The following PCDH15 variants were observed in gnomAD, a reference collection of about 807,000 sequenced individuals.
PCDH15 encodes the protein protocadherin-15.
A neutral mutation model predicts 178.5 loss-of-function variants in PCDH15; 129 were observed. The ratio of observed to expected loss-of-function variants is 0.72; its 90% confidence interval spans 0.63 to 0.84. The LOEUF is 0.84. Ranked by LOEUF, PCDH15 falls within the 40% of genes least tolerant of loss-of-function variation. The pLI, the probability that PCDH15 is intolerant of heterozygous loss-of-function variation, is 0.00. For missense variants in PCDH15, 2,230 were observed against 2,099.9 expected (o/e 1.06, Z -1.21); for synonymous variants, 800 against 732.0 (o/e 1.09, Z -1.50).
rs375637844 is a variant in PCDH15 at position 55,294,266 on chromosome 10, G to A, written c.-156+25333C>T. On this transcript the variant is annotated intron_variant, in intron 1 of 5. Coordinates refer to the PCDH15 transcript ENST00000458638. Reference sequence around the variant, plus strand: ...TCCCACTGGCTCCTTCCCACAACACGTGGGAATTCACGATGAGATTTGGGT... The same window carrying A: ...TCCCACTGGCTCCTTCCCACAACACATGGGAATTCACGATGAGATTTGGGT... Among the ~76,000 whole-genome samples, 323 of 152,240 alleles carry A rather than the reference G, an allele frequency of 2.1e-3. 1 individual carries two copies. The highest frequency in any genetic ancestry group is 7.4e-3 in the African/African-American group (309 of 41,554).
rs765069475 is a variant in PCDH15, at chr10:53,831,319, T to C, written c.4198A>G (p.Arg1400Gly). 14 of 1,614,034 alleles carry C rather than the reference T, an allele frequency of 8.7e-6. No individual in the cohort carries two copies. The Admixed American group carries it at 2.3e-4, about 27-fold the overall frequency. The part of the protein sequence containing the change: ...PAILVVLVSY[R>G]QFKVRQAECT... ...TTACCATCCTTGAATACTTACTGTC[T>C]GTAGCTGACCAAAACCACCAAGATG... The change falls in exon 30 of 38, where the codon AGA (arginine) becomes GGA (glycine). Residue 1400 changes from arginine (R) to glycine (G), a missense_variant. Coordinates refer to ENST00000644397, the MANE Select transcript of PCDH15 (RefSeq NM_001384140.1).
chr10:54,857,532 G>A (rs1953761646), intron 3 of PCDH15, among the ~76,000 whole-genome samples: 1 of 151,968 alleles, frequency 6.6e-6, no homozygotes, highest in Non-Finnish European at 1.5e-5. Flanking sequence ...CTGCAACCTC[G>A]AATTCCTGGG....
intron 2 of PCDH15, among the ~76,000 whole-genome samples, chr10:54,546,894 CA>C (rs1335577031): frequency 4.6e-5 from 7 of 152,142 alleles, no homozygotes; most frequent in Admixed American, 3.9e-4. Flanking sequence ...GGTGATATGA[CA>C]GAGAGAATCT....
rs144311785 is a variant in PCDH15 at position 55,221,715 on chromosome 10, T to G, written c.-155-55064A>C. Among the ~76,000 whole-genome samples the G allele has an allele frequency of 1.5e-4, 23 of 152,218 alleles. No individual in the cohort carries two copies. In the East Asian group the frequency reaches 3.7e-3, roughly 24 times the overall value. On this transcript the variant is annotated intron_variant, in intron 1 of 5. Transcript: ENST00000458638. ...GACAAGATACACAGTGACACATGTATGCACGTCCTCCATAGAAGTGTAGTA... is the reference window on the plus strand; with the variant it reads ...GACAAGATACACAGTGACACATGTAGGCACGTCCTCCATAGAAGTGTAGTA...
chr10:54,673,463 A>C (rs563308638), intron 1 of PCDH15, among the ~76,000 whole-genome samples: 1 of 152,110 alleles, frequency 6.6e-6, no homozygotes, highest in South Asian at 2.1e-4. Flanking sequence ...TTTGAGATGG[A>C]GTTTTGCTCT....
chr10:54,751,392 C>A (rs1185616053), intron 1 of PCDH15, among the ~76,000 whole-genome samples: 4 of 152,046 alleles, frequency 2.6e-5, no homozygotes, highest in Non-Finnish European at 5.9e-5. Flanking sequence ...AACAGGTGTG[C>A]TTTTAAATTT....
rs577897529 is a variant in PCDH15, at chr10:54,282,191, T to C, written c.876+35080A>G. Among the ~76,000 whole-genome samples the C allele has an allele frequency of 2.0e-4, 30 of 152,230 alleles. No individual in the cohort carries two copies. In the South Asian group the frequency reaches 6.2e-3, roughly 31 times the overall value. ...TTGGTTTTAACACCACCTGGAAACC[T>C]GCAAAGTCTCAGGTTTCACCCCAGG... On this transcript the variant is annotated intron_variant, in intron 8 of 37. Coordinates refer to ENST00000644397, the MANE Select transcript of PCDH15 (RefSeq NM_001384140.1).
chr10:55,155,756 C>A (rs1266616602), intron 2 of PCDH15, among the ~76,000 whole-genome samples: 2 of 152,000 alleles, frequency 1.3e-5, no homozygotes, highest in African/African-American at 4.8e-5. Context: ...CATCAAGTCC[C>A]TGATGAGTAA....
At chr10:54,543,833 G>T (rs1283179964) in intron 2 of PCDH15, among the ~76,000 whole-genome samples, 2 of 152,060 alleles carry the variant, frequency 1.3e-5, no homozygotes, top group African/African-American at 4.8e-5. Context: ...TTTCCCCACC[G>T]CTGTTGCTCA....
intron 2 of PCDH15, among the ~76,000 whole-genome samples, chr10:54,988,403 G>C (rs777657054): frequency 6.6e-6 from 1 of 152,154 alleles, no homozygotes; most frequent in Non-Finnish European, 1.5e-5. Flanking sequence ...CAGTTCGGAG[G>C]GCTCAGAAGA....
chr10:54,870,723 T>C (rs1380389039), intron 3 of PCDH15, among the ~76,000 whole-genome samples: 3 of 151,666 alleles, frequency 2.0e-5, no homozygotes, highest in Non-Finnish European at 4.4e-5. Context: ...GAGGCGGAGC[T>C]TGCAGTGAGC....
intron 2 of PCDH15, among the ~76,000 whole-genome samples, chr10:55,518,439 C>T (rs1841072955): frequency 6.6e-6 from 1 of 151,960 alleles, no homozygotes; most frequent in South Asian, 2.1e-4. Flanking sequence ...CCCTTTCTAG[C>T]CTCATGCATT....
chr10:54,754,102 A>G (rs1233360593), intron 1 of PCDH15, among the ~76,000 whole-genome samples: 1 of 151,990 alleles, frequency 6.6e-6, no homozygotes, highest in East Asian at 1.9e-4. Flanking sequence ...TGCTGGGATT[A>G]CAGGCGTGAG....
At chr10:54,330,862 G>A (rs1449091142) in intron 6 of PCDH15, among the ~76,000 whole-genome samples, 1 of 151,940 alleles carries the variant, frequency 6.6e-6, no homozygotes. Flanking sequence ...GTGTTATTTT[G>A]TTCACTGAAA....
At chr10:54,830,566 A>C (rs1171883944) in intron 3 of PCDH15, among the ~76,000 whole-genome samples, 1 of 151,580 alleles carries the variant, frequency 6.6e-6, no homozygotes, top group Admixed American at 6.6e-5. Context: ...GGGGAACATC[A>C]CAATCTGGGG....
Position 54,146,967 on chromosome 10 carries a change from A to ATATATATAGTGTATATATATATAATG in PCDH15, c.1784+6107_1784+6132dup, listed in dbSNP as rs1204762655. On this transcript the variant is annotated intron_variant, in intron 14 of 37. Transcript: ENST00000644397. ...TATATAGTGTATATATATATAATGT[A>ATATATATAGTGTATATATATATAATG]TATATATAGTGTATATATATATAAT... Among the ~76,000 whole-genome samples the ATATATATAGTGTATATATATATAATG allele has an allele frequency of 9.0e-3, 1,273 of 140,862 alleles. 31 individuals carry two copies. Among genetic ancestry groups the ATATATATAGTGTATATATATATAATG allele is most frequent in the South Asian group, 0.046 (199 of 4,320 alleles). The allele number at this position is 140,862 out of a possible 152,430, so 92.4% of individuals were successfully genotyped here. A position where few individuals can be genotyped will look rare whatever the true frequency, so the allele number is the denominator to read the frequency against.
At chr10:54,820,712 G>C (rs1048954096) in intron 3 of PCDH15, among the ~76,000 whole-genome samples, 3 of 151,934 alleles carry the variant, frequency 2.0e-5, no homozygotes, top group Non-Finnish European at 4.4e-5. Flanking sequence ...TGCTAAATCT[G>C]ACATCTACAG....
rs1843355506 is a variant in PCDH15, at chr10:55,611,042, T to C, written c.-156+16583A>G. Among the ~76,000 whole-genome samples, 5 of 152,168 alleles carry C rather than the reference T, an allele frequency of 3.3e-5. No individual in the cohort carries two copies. The South Asian group carries it at 1.0e-3, about 31-fold the overall frequency. ...GAGATCATTTCAGTTAGGCTTTTCA[T>C]TTCTTAAATTAGAAACTGAAGCTGA... On this transcript the variant is annotated intron_variant, in intron 2 of 5. Coordinates refer to the PCDH15 transcript ENST00000613346.
At chr10:55,076,699 T>C (rs1391346925) in intron 2 of PCDH15, among the ~76,000 whole-genome samples, 1 of 151,172 alleles carries the variant, frequency 6.6e-6, no homozygotes, top group Non-Finnish European at 1.5e-5. Flanking sequence ...ACTCAGGCAA[T>C]CCACTCACTC....
Sources: allele counts gnomAD v4.1 joint callset (sites outside exome capture counted in the v4.1 genomes callset), GRCh38; gene constraint gnomAD v4.1.1; transcripts MANE v1.5; gene names NCBI Gene and HGNC (gene_info 2026-07-23, HGNC 2026-07-21).